CNTNAP5: variants seen among roughly 807,000 people sequenced by gnomAD.
The protein encoded by CNTNAP5 is contactin-associated protein-like 5.
A neutral mutation model predicts 150.2 loss-of-function variants in CNTNAP5; 72 were observed. That is an observed-to-expected ratio of 0.48 (90% confidence interval 0.40 to 0.58). The LOEUF is 0.58. CNTNAP5 is among the 20% of genes least tolerant of loss of function. The probability of loss-of-function intolerance (pLI) is 0.00; values close to 1 mark genes in which losing one functional copy is unlikely to be tolerated. For synonymous variants in CNTNAP5, 672 were observed against 619.8 expected (o/e 1.08, Z -1.25); for missense variants, 1,636 against 1,626.2 (o/e 1.01, Z -0.10).
At chr2:124,317,719 T>C (rs549934852) in intron 3 of CNTNAP5, among the ~76,000 whole-genome samples, 2 of 152,328 alleles carry the variant, frequency 1.3e-5, no homozygotes, top group South Asian at 4.1e-4. Context: ...CAAGTACAGT[T>C]GCCCAATTGC....
intron 1 of CNTNAP5, among the ~76,000 whole-genome samples, chr2:124,078,914 A>G (rs1682497773): frequency 6.6e-6 from 1 of 152,172 alleles, no homozygotes; most frequent in Admixed American, 6.5e-5. Flanking sequence ...GTAGAGAGGA[A>G]TCTCCAGGTT....
intron 3 of CNTNAP5, among the ~76,000 whole-genome samples, chr2:124,359,116 T>C (rs1245377850): frequency 6.6e-6 from 1 of 152,170 alleles, no homozygotes; most frequent in Non-Finnish European, 1.5e-5. Flanking sequence ...TATTCTCTGA[T>C]GGTAGTTTGC....
intron 13 of CNTNAP5, among the ~76,000 whole-genome samples, chr2:124,728,692 A>C (rs1680209811): frequency 1.3e-5 from 2 of 152,016 alleles, no homozygotes; most frequent in Admixed American, 1.3e-4. Flanking sequence ...TTCATGGGAG[A>C]GGTAATATTT....
chr2:124,804,775 C>A (rs943204045), intron 19 of CNTNAP5, among the ~76,000 whole-genome samples: 2 of 152,178 alleles, frequency 1.3e-5, no homozygotes, highest in African/African-American at 4.8e-5. Flanking sequence ...CTCACTCAGT[C>A]TATGACATTT....
chr2:124,166,447 T>G (rs1684811793), intron 1 of CNTNAP5, among the ~76,000 whole-genome samples: 1 of 152,194 alleles, frequency 6.6e-6, no homozygotes, highest in African/African-American at 2.4e-5. Context: ...GAAGTGGGTA[T>G]TGCTGCTCTC....
At chr2:124,407,212 G>T (rs373684823) in intron 3 of CNTNAP5, among the ~76,000 whole-genome samples, 9 of 152,246 alleles carry the variant, frequency 5.9e-5, no homozygotes, top group East Asian at 5.8e-4. Flanking sequence ...TCACTAGAGG[G>T]ATTGAGAGCT....
At chr2:124,156,754 G>T (rs1684557823) in intron 1 of CNTNAP5, among the ~76,000 whole-genome samples, 1 of 152,162 alleles carries the variant, frequency 6.6e-6, no homozygotes, top group Non-Finnish European at 1.5e-5. Context: ...CTCCCAAAGT[G>T]CTGGGATTAC....
chr2:124,717,723 G>A (rs1303228744), intron 13 of CNTNAP5, among the ~76,000 whole-genome samples: 1 of 152,196 alleles, frequency 6.6e-6, no homozygotes, highest in Admixed American at 6.5e-5. Context: ...AATGGTGTAA[G>A]CTATATTGGC....
intron 12 of CNTNAP5, among the ~76,000 whole-genome samples, chr2:124,618,618 A>G (rs920048692): frequency 5.9e-5 from 9 of 152,106 alleles, no homozygotes; most frequent in African/African-American, 1.4e-4. Flanking sequence ...AAACCCAACT[A>G]GAATCGAGAA....
Position 124,764,073 on chromosome 2 carries a change from T to A in CNTNAP5, c.2459T>A (p.Phe820Tyr). The A allele has an allele frequency of 1.2e-6, 2 of 1,613,352 alleles. No individual in the cohort carries two copies. Among genetic ancestry groups the A allele is most frequent in the Admixed American group, 1.7e-5 (1 of 59,968 alleles). Residue 820 changes from phenylalanine (F) to tyrosine (Y), a missense_variant, in exon 16 of 24, where the codon TTT (phenylalanine) becomes TAT (tyrosine). Phe to Tyr is a conservative substitution (Grantham distance 22). Transcript: ENST00000682447. ...AEFSADISFF[F>Y]KTTALSGVFL... ...TTCAGTGCCGATATTTCCTTCTTTTTTAAAACCACAGCATTATCCGGAGTT... is the reference window on the plus strand; with the variant it reads ...TTCAGTGCCGATATTTCCTTCTTTTATAAAACCACAGCATTATCCGGAGTT...
At chr2:124,304,753 T>G (rs1253104064) in intron 3 of CNTNAP5, among the ~76,000 whole-genome samples, 1 of 152,084 alleles carries the variant, frequency 6.6e-6, no homozygotes, top group Non-Finnish European at 1.5e-5. Flanking sequence ...GCTTCCTAAT[T>G]TGCTTCCTAA....
intron 19 of CNTNAP5, among the ~76,000 whole-genome samples, chr2:124,862,459 T>A (rs1677545785): frequency 6.6e-6 from 1 of 152,060 alleles, no homozygotes; most frequent in Non-Finnish European, 1.5e-5. Context: ...TGAAAGGGGA[T>A]GGGGACAGAA....
chr2:124,536,947 T>C (rs914279533), intron 10 of CNTNAP5, among the ~76,000 whole-genome samples: 2 of 151,908 alleles, frequency 1.3e-5, no homozygotes, highest in East Asian at 1.9e-4. Flanking sequence ...AGTTTAAAAC[T>C]TGAGAGACCA....
chr2:124,785,075 G>GA (rs1221251900), intron 17 of CNTNAP5, among the ~76,000 whole-genome samples: 5 of 139,360 alleles, frequency 3.6e-5, no homozygotes, highest in East Asian at 4.3e-4. Context: ...AAAAGAAAAA[G>GA]AAAAAAAACC....
intron 1 of CNTNAP5, among the ~76,000 whole-genome samples, chr2:124,145,812 T>TAA: frequency 0.34 from 22,019 of 64,038 alleles, 3,533 homozygotes; most frequent in South Asian, 0.44. Context: ...AAAAAAACAT[T>TAA]AAAAAAAAAA....
intron 3 of CNTNAP5, among the ~76,000 whole-genome samples, chr2:124,258,052 C>G (rs1000242605): frequency 6.6e-6 from 1 of 152,130 alleles, no homozygotes; most frequent in African/African-American, 2.4e-5. Context: ...TTTATAGGAA[C>G]AGCTAGACGT....
At chr2:124,749,190 C>A (rs905499378) in intron 14 of CNTNAP5, among the ~76,000 whole-genome samples, 4 of 152,140 alleles carry the variant, frequency 2.6e-5, no homozygotes, top group African/African-American at 9.7e-5. Context: ...TGCTCCCAAT[C>A]GCTTGGATTC....
chr2:124,439,489 C>T (rs890005032), intron 5 of CNTNAP5, among the ~76,000 whole-genome samples: 8 of 152,124 alleles, frequency 5.3e-5, no homozygotes, highest in Non-Finnish European at 1.2e-4. Flanking sequence ...TCGAAGATAG[C>T]AAAGTCACAG....
intron 1 of CNTNAP5, among the ~76,000 whole-genome samples, chr2:124,187,232 A>T (rs574228788): frequency 6.6e-6 from 1 of 152,328 alleles, no homozygotes; most frequent in Admixed American, 6.5e-5. Flanking sequence ...AGACATGATT[A>T]TGCTTTGGTT....
Sources: allele counts gnomAD v4.1 joint callset (sites outside exome capture counted in the v4.1 genomes callset), GRCh38; gene constraint gnomAD v4.1.1; transcripts MANE v1.5; gene names NCBI Gene and HGNC (gene_info 2026-07-23, HGNC 2026-07-21).